The following NEIL1 variants were observed in gnomAD, a reference collection of about 807,000 sequenced individuals.
The protein encoded by NEIL1 is nei like DNA glycosylase 1, also known as endonuclease 8-like 1.
In NEIL1, 31 loss-of-function variants were observed where a neutral mutation model predicts 44.2. That is an observed-to-expected ratio of 0.70 (90% CI 0.53 to 0.95). The LOEUF (loss-of-function observed/expected upper bound fraction) is 0.95. Among genes scored for constraint, NEIL1 ranks in the 40% least tolerant of loss-of-function variants. NEIL1 has a pLI of 0.00. For missense variants in NEIL1, 549 were observed against 515.5 expected (o/e 1.07, Z -0.63); for synonymous variants, 254 against 209.7 (o/e 1.21, Z -1.83).
chr15:75,352,535 G>T, intron 4 of NEIL1, 67 bp from the exon 5 acceptor site: 1 of 1,560,122 alleles, frequency 6.4e-7, no homozygotes. Context: ...ACCAAGCTCA[G>T]AGAGAAGGTC....
In NEIL1 at chr15:75,356,790, T is replaced by TA; in HGVS notation, c.*1757dup. 2.5e-6 allele frequency: 4 copies of TA among 1,614,016 alleles called. No individual in the cohort carries two copies. The highest frequency in any genetic ancestry group is 3.4e-6 in the Non-Finnish European group (4 of 1,180,002). ...TCCCAGGCCTGGTGGGTACCCCACT[T>TA]ACAGCGAGAGGCTGAGGATGCTGCC... is the stretch of plus-strand genomic sequence containing the variant. On this transcript the variant is annotated 3_prime_UTR_variant, in exon 10 of 10. Coordinates refer to ENST00000355059, the MANE Select transcript of NEIL1 (RefSeq NM_024608.4). The surrounding 1 kb of genome is among the most constrained non-coding windows in gnomAD (Gnocchi z 5.8).
chr15:75,348,418 C>A, intron 1 of NEIL1: 1 of 1,006,348 alleles, frequency 9.9e-7, no homozygotes, highest in South Asian at 4.1e-5. Context: ...AAGACCCTTT[C>A]AGATGGTGGG....
chr15:75,352,031 GAAAC>G, intron 2 of NEIL1, 76 bp from the exon 3 acceptor site: 1 of 1,454,824 alleles, frequency 6.9e-7, no homozygotes, highest in Non-Finnish European at 9.6e-7. Context: ...CTTGCACCCA[GAAAC>G]AGGTTCTCTG....
At chr15:75,348,551 G>T in intron 1 of NEIL1, 1 of 1,185,430 alleles carries the variant, frequency 8.4e-7, no homozygotes, top group South Asian at 2.2e-5. Context: ...TGAGATCCGT[G>T]AGTGAGGGGA....
In NEIL1 at chr15:75,356,323, A is replaced by C; in HGVS notation, c.*1289A>C. ...TGCCTGCTTGACGGTCTCCAATACG[A>C]CCGCGGGTGAAGACACGGAAAACGC... On this transcript the variant is annotated 3_prime_UTR_variant, in exon 10 of 10. Transcript: ENST00000355059. The surrounding 1 kb of genome is among the most constrained non-coding windows in gnomAD (Gnocchi z 5.8). 6.2e-7 allele frequency: 1 copy of C among 1,611,254 alleles called. No individual in the cohort carries two copies. The highest frequency in any genetic ancestry group is 8.5e-7 in the Non-Finnish European group (1 of 1,179,228).
In NEIL1 at chr15:75,355,932, G is replaced by A. The variant is rs753878575; in HGVS notation, c.*898G>A. The stretch of plus-strand genomic sequence containing the variant: ...CAGTGTGGCGGAGGCTGAAGCACGA[G>A]CAACAGGGACAGCACTTGGAAGGGA... On this transcript the variant is annotated 3_prime_UTR_variant, in exon 10 of 10. Transcript: ENST00000355059. 3 of 1,614,206 alleles carry A rather than the reference G, an allele frequency of 1.9e-6. No homozygotes were observed. Among genetic ancestry groups the A allele is most frequent in the Non-Finnish European group, 2.5e-6 (3 of 1,180,034 alleles).
chr15:75,354,629 G>C, intron 8 of NEIL1, 24 bp from the exon 9 acceptor site: 1 of 1,614,004 alleles, frequency 6.2e-7, no homozygotes, highest in Non-Finnish European at 8.5e-7. Flanking sequence ...GAGCCCCTCA[G>C]GGACCCGTGT....
At chr15:75,350,029 A>C (rs1286087518) in intron 2 of NEIL1, among the ~76,000 whole-genome samples, 1 of 152,130 alleles carries the variant, frequency 6.6e-6, no homozygotes, top group Admixed American at 6.5e-5. Flanking sequence ...TTTCAAGGGG[A>C]TGGGGAGGGG....
intron 1 of NEIL1, chr15:75,348,055 G>A (rs1422455243): frequency 9.2e-6 from 10 of 1,085,486 alleles, no homozygotes; most frequent in Non-Finnish European, 1.1e-5. Context: ...CCACCCCAGG[G>A]ACCAGGCGCT....
chr15:75,352,786 C>T, intron 5 of NEIL1, 85 bp downstream of exon 5: 3 of 1,115,100 alleles, frequency 2.7e-6, no homozygotes, highest in African/African-American at 1.5e-5. Flanking sequence ...ACCTGATTCA[C>T]CGATTTGGAA....
In NEIL1 at chr15:75,357,029, G is replaced by A; in HGVS notation, c.*1995G>A. On this transcript the variant is annotated 3_prime_UTR_variant, in exon 10 of 10. Coordinates refer to ENST00000355059, the MANE Select transcript of NEIL1 (RefSeq NM_024608.4). ...ACACAACTGAACTCCAGCTCCCACT[G>A]TACGGGGCCCTGGGCATGCCACCCA... is the stretch of plus-strand genomic sequence containing the variant. 1 of 728,684 alleles carries A rather than the reference G, an allele frequency of 1.4e-6. No homozygotes were observed. Among genetic ancestry groups the A allele is most frequent in the South Asian group, 1.8e-5 (1 of 55,708 alleles). The allele number at this position is 728,684 out of a possible 1,614,324, so 45.1% of individuals were successfully genotyped here. A position where few individuals can be genotyped will look rare whatever the true frequency, so the allele number is the denominator to read the frequency against.
At position 75,352,688 on chromosome 15, in the gene NEIL1, A is replaced by G. The variant is rs1205035495; in HGVS notation, c.705A>G (p.Glu235=). ...AGCTATGTCACTCAGTGCCCAAGGA[A>G]GTGGTCCAGTTGGGTGAGGCCAAAG... ...LLELCHSVPK[E]VVQLGGKGYG... is the part of the protein sequence containing the mutation. Residue 235 remains glutamate (E), a synonymous_variant, in exon 5 of 10, where the codon GAA becomes GAG. Coordinates refer to ENST00000355059, the MANE Select transcript of NEIL1 (RefSeq NM_024608.4). 3 of 1,611,514 alleles carry G rather than the reference A, an allele frequency of 1.9e-6. No homozygotes were observed. In the East Asian group the frequency reaches 6.7e-5, roughly 36 times the overall value.
At position 75,352,108 on chromosome 15, in the gene NEIL1, C is replaced by T. The variant is rs752848357; in HGVS notation, c.435-3C>T. On this transcript the variant is annotated splice_region_variant and splice_polypyrimidine_tract_variant and intron_variant, in intron 2 of 9. Coordinates refer to ENST00000355059, the MANE Select transcript of NEIL1 (RefSeq NM_024608.4). ...CTTACGCACCCAGACCGTGTTCCTCCAGGGAGAATGTGCTACGAAACCTAG... is the reference window on the plus strand; with the variant it reads ...CTTACGCACCCAGACCGTGTTCCTCTAGGGAGAATGTGCTACGAAACCTAG... The T allele has an allele frequency of 6.2e-7, 1 of 1,614,134 alleles. No individual in the cohort carries two copies. The highest frequency in any genetic ancestry group is 8.5e-7 in the Non-Finnish European group (1 of 1,180,000).
Position 75,354,819 on chromosome 15 carries a change from G to A in NEIL1, c.1102+1G>A. Reference sequence around the variant, plus strand: ...AGGAAGGGGCGACAGGCAGCCTCTGGTGGGCTTTCCTCATCACTCCCAGAA... The same window carrying A: ...AGGAAGGGGCGACAGGCAGCCTCTGATGGGCTTTCCTCATCACTCCCAGAA... On this transcript the variant is annotated splice_donor_variant, in intron 9 of 9. Coordinates refer to ENST00000355059, the MANE Select transcript of NEIL1 (RefSeq NM_024608.4). LOFTEE classifies it high-confidence loss of function. The A allele has an allele frequency of 6.2e-7, 1 of 1,613,974 alleles. No individual in the cohort carries two copies. Among genetic ancestry groups the A allele is most frequent in the South Asian group, 1.1e-5 (1 of 91,088 alleles).
intron 1 of NEIL1, chr15:75,347,888 G>A (rs1377283158): frequency 8.2e-7 from 1 of 1,215,038 alleles, no homozygotes. Context: ...GCCAGGCCAG[G>A]GGCGGCTCCC....
At chr15:75,348,493 C>G in intron 1 of NEIL1, 4 of 1,053,596 alleles carry the variant, frequency 3.8e-6, no homozygotes, top group Non-Finnish European at 4.6e-6. Flanking sequence ...GTCAGGAAGT[C>G]TCCCTCAAGT....
Position 75,355,468 on chromosome 15 carries a change from C to A in NEIL1, c.*434C>A, listed in dbSNP as rs1276240612. 5 of 226,448 alleles carry A rather than the reference C, an allele frequency of 2.2e-5. No homozygotes were observed. Among genetic ancestry groups the A allele is most frequent in the Non-Finnish European group, 3.5e-5 (4 of 115,160 alleles). The allele number at this position is 226,448 out of a possible 1,614,324, so 14.0% of individuals were successfully genotyped here. ...GCCCAGGAGCCAGAGCTCCTCCAGT[C>A]CAGATTCTCCAGGGTCCAGGGCTGC... On this transcript the variant is annotated 3_prime_UTR_variant, in exon 10 of 10. Coordinates refer to ENST00000355059, the MANE Select transcript of NEIL1 (RefSeq NM_024608.4).
chr15:75,353,608 G>T, intron 5 of NEIL1, 131 bp from the exon 6 acceptor site: 1 of 959,976 alleles, frequency 1.0e-6, no homozygotes, highest in Non-Finnish European at 1.7e-6. Context: ...ATCACCAGAG[G>T]AGGGAGAGTG....
Position 75,354,539 on chromosome 15 carries a change from G to A in NEIL1, c.936+47G>A, listed in dbSNP as rs201093138. 26 of 1,613,622 alleles carry A rather than the reference G, an allele frequency of 1.6e-5. No individual in the cohort carries two copies. In the East Asian group the frequency reaches 1.8e-4, roughly 11 times the overall value. ...TCCTCCCCTGCACTCTGCAGCCCTG[G>A]CTGCCCCTCCCAGGCAGCTGCCTTA... On this transcript the variant is annotated intron_variant, in intron 8 of 9. Coordinates refer to ENST00000355059, the MANE Select transcript of NEIL1 (RefSeq NM_024608.4).
Sources: allele counts gnomAD v4.1 joint callset (sites outside exome capture counted in the v4.1 genomes callset), GRCh38; gene constraint gnomAD v4.1.1; non-coding constraint Gnocchi (gnomAD v3.1); transcripts MANE v1.5; gene names NCBI Gene and HGNC (gene_info 2026-07-23, HGNC 2026-07-21).